The following SMURF1 variants were observed in gnomAD, a reference collection of about 807,000 sequenced individuals.
SMURF1 encodes E3 ubiquitin-protein ligase SMURF1.
SMURF1 carries 44 observed loss-of-function variants against 98.0 expected under a neutral mutation model. The observed-to-expected ratio is 0.45, with a 90% CI of 0.35 to 0.58. The LOEUF (loss-of-function observed/expected upper bound fraction) is 0.58, where lower values mean the gene tolerates loss of function less well. Ranked by LOEUF, SMURF1 falls within the 20% of genes least tolerant of loss-of-function variation. The probability of loss-of-function intolerance (pLI) is 0.00; values close to 1 mark genes in which losing one functional copy is unlikely to be tolerated. For missense variants in SMURF1, 687 were observed against 938.4 expected (o/e 0.73, Z 3.50); for synonymous variants, 396 against 374.9 (o/e 1.06, Z -0.65).
At position 99,033,108 on chromosome 7, in the gene SMURF1, C is replaced by T. The variant is rs569191641; in HGVS notation, c.2025G>A (p.Ala675=). The change falls in exon 17 of 18, where the codon GCG becomes GCA. Residue 675 remains alanine, a synonymous_variant. Coordinates refer to ENST00000361368, the MANE Select transcript of SMURF1 (RefSeq NM_181349.3). The stretch of plus-strand genomic sequence containing the variant: ...GGATGGTGAACAGCCGGGGCCCTGC[C>T]GCGCCTGTAGAACCTTACAAGACAA... The part of the protein sequence containing the change: ...GFKALQGSTG[A]AGPRLFTIHL... The T allele has an allele frequency of 3.9e-5, 62 of 1,581,292 alleles. 2 individuals carry two copies. In the African/African-American group the frequency reaches 6.3e-4, roughly 16 times the overall value.
At position 99,028,808 on chromosome 7, in the gene SMURF1, G is replaced by C. The variant is rs1421438587; in HGVS notation, c.*1776C>G. The stretch of plus-strand genomic sequence containing the variant: ...GCGGGTTAGGCTCGTGATAGAGAGT[G>C]GGCTGTCCGGGGGAGGTCTGTAGTT... On this transcript the variant is annotated 3_prime_UTR_variant, in exon 18 of 18. Transcript: ENST00000361368. 1.3e-5 allele frequency: 2 copies of C among 152,184 alleles called. No individual in the cohort carries two copies. The highest frequency in any genetic ancestry group is 2.9e-5 in the Non-Finnish European group (2 of 68,050). The allele number at this position is 152,184 out of a possible 1,614,324, so 9.4% of individuals were successfully genotyped here.
intron 1 of SMURF1, among the ~76,000 whole-genome samples, chr7:99,080,301 G>GTTTT (rs1796552247): frequency 6.6e-6 from 1 of 152,126 alleles, no homozygotes. Context: ...TTTTTGTTTT[G>GTTTT]TTTTGTTTTG....
At chr7:99,110,514 G>A (rs954898238) in intron 1 of SMURF1, among the ~76,000 whole-genome samples, 8 of 152,178 alleles carry the variant, frequency 5.3e-5, no homozygotes, top group African/African-American at 1.9e-4. Context: ...CCTCACTCAA[G>A]AGAGATGCAG....
At chr7:99,033,825 C>T (rs1168370438) in intron 16 of SMURF1, among the ~76,000 whole-genome samples, 1 of 152,204 alleles carries the variant, frequency 6.6e-6, no homozygotes, top group East Asian at 1.9e-4. Context: ...AACTCAGCCC[C>T]AAGTGAGCAC....
In SMURF1 at chr7:99,100,711, G is replaced by A. The variant is rs115697182; in HGVS notation, c.56-38874C>T. ...TTAAAACAACAGTTATCAACTCATA[G>A]TCATAGCTTATAAGTTAATACTGGA... On this transcript the variant is annotated intron_variant, in intron 1 of 17. Coordinates refer to ENST00000361368, the MANE Select transcript of SMURF1 (RefSeq NM_181349.3). 6.9e-3 allele frequency among the ~76,000 whole-genome samples: 1,057 copies of A among 152,286 alleles called. 16 individuals carry two copies. The highest frequency in any genetic ancestry group is 0.023 in the African/African-American group (972 of 41,548).
chr7:99,068,470 T>TA (rs1241813386), intron 1 of SMURF1, among the ~76,000 whole-genome samples: 1 of 152,080 alleles, frequency 6.6e-6, no homozygotes, highest in Non-Finnish European at 1.5e-5. Flanking sequence ...TTCCTATTTT[T>TA]AAAAAATCTC....
At position 99,108,095 on chromosome 7, in the gene SMURF1, T is replaced by C. The variant is rs566397836; in HGVS notation, c.55+35631A>G. Among the ~76,000 whole-genome samples, 3 of 152,258 alleles carry C rather than the reference T, an allele frequency of 2.0e-5. No homozygotes were observed. In the East Asian group the frequency reaches 5.8e-4, roughly 30 times the overall value. ...GCAAAAACCACGAACAGAACAAACC[T>C]CATCACACTGTAATGAAATTCACAA... On this transcript the variant is annotated intron_variant, in intron 1 of 17. Transcript: ENST00000361368.
chr7:99,033,189 C>T, intron 16 of SMURF1, 68 bp from the exon 17 acceptor site: 1 of 1,491,994 alleles, frequency 6.7e-7, no homozygotes, highest in Non-Finnish European at 9.1e-7. Context: ...GCCACACAGC[C>T]CCCAGGAGCA....
At chr7:99,045,623 G>T in intron 11 of SMURF1, 75 bp downstream of exon 11, 1 of 1,269,102 alleles carries the variant, frequency 7.9e-7, no homozygotes, top group Non-Finnish European at 1.1e-6. Flanking sequence ...GATGAGCACT[G>T]GAGAAGGGCA....
At chr7:99,081,887 A>C (rs1017221333) in intron 1 of SMURF1, among the ~76,000 whole-genome samples, 1 of 152,214 alleles carries the variant, frequency 6.6e-6, no homozygotes, top group Non-Finnish European at 1.5e-5. Context: ...TCCTAACCTC[A>C]GGTGATCCAC....
At position 99,029,292 on chromosome 7, in the gene SMURF1, C is replaced by T. The variant is rs1253736031; in HGVS notation, c.*1292G>A. 1 of 152,610 alleles carries T rather than the reference C, an allele frequency of 6.6e-6. No homozygotes were observed. Among genetic ancestry groups the T allele is most frequent in the Non-Finnish European group, 1.5e-5 (1 of 68,056 alleles). The allele number at this position is 152,610 out of a possible 1,614,324, so 9.5% of individuals were successfully genotyped here. A position where few individuals can be genotyped will look rare whatever the true frequency, so the allele number is the denominator to read the frequency against. ...GGAACATTGGCCTGCTGTTTTCTGC[C>T]CAAGTTCAGCTATTGGAAATCAAGC... On this transcript the variant is annotated 3_prime_UTR_variant, in exon 18 of 18. Coordinates refer to ENST00000361368, the MANE Select transcript of SMURF1 (RefSeq NM_181349.3).
rs879202027 is a variant in SMURF1 at position 99,040,289 on chromosome 7, ACACACGCGCGCGCG to A, written c.1550+75_1550+88del. On this transcript the variant is annotated intron_variant, in intron 13 of 17. Coordinates refer to ENST00000361368, the MANE Select transcript of SMURF1 (RefSeq NM_181349.3). The stretch of plus-strand genomic sequence containing the variant: ...CTTCACACACATCCCCAAAATACAC[ACACACGCGCGCGCG>A]CGCGCACGCGCATACATACGATAGA... 7.9e-4 allele frequency: 991 copies of A among 1,260,844 alleles called. 13 individuals are homozygous for A. The South Asian group carries it at 0.02, about 26-fold the overall frequency. 78.1% of individuals were successfully genotyped at this position (1,260,844 alleles called of 1,614,324 possible).
At chr7:99,106,788 C>T (rs1797203986) in intron 1 of SMURF1, among the ~76,000 whole-genome samples, 1 of 152,148 alleles carries the variant, frequency 6.6e-6, no homozygotes, top group Non-Finnish European at 1.5e-5. Flanking sequence ...TCTCCGACCT[C>T]TTTTTTTCCC....
intron 1 of SMURF1, among the ~76,000 whole-genome samples, chr7:99,079,544 C>T (rs978436549): frequency 6.6e-6 from 1 of 152,204 alleles, no homozygotes; most frequent in South Asian, 2.1e-4. Flanking sequence ...ACTACATACT[C>T]GTTTCAAACA....
chr7:99,074,558 G>A (rs544441821), intron 1 of SMURF1, among the ~76,000 whole-genome samples: 9 of 151,652 alleles, frequency 5.9e-5, no homozygotes, highest in East Asian at 3.9e-4. Context: ...GGCCTCAAAC[G>A]GAGCAGAAAC....
At chr7:99,132,699 G>GACGGAC (rs1554451189) in intron 1 of SMURF1, among the ~76,000 whole-genome samples, 24 of 147,400 alleles carry the variant, frequency 1.6e-4, no homozygotes, top group African/African-American at 5.8e-4. Flanking sequence ...CAGACACACG[G>GACGGAC]ACACACACAC....
chr7:99,096,214 A>G (rs1796952978), intron 1 of SMURF1, among the ~76,000 whole-genome samples: 1 of 152,214 alleles, frequency 6.6e-6, no homozygotes, highest in South Asian at 2.1e-4. Flanking sequence ...GCCACCTGGT[A>G]AAATACAGAC....
intron 8 of SMURF1, chr7:99,050,764 T>A: frequency 1.6e-6 from 1 of 613,994 alleles, no homozygotes; most frequent in Non-Finnish European, 2.8e-6. Flanking sequence ...GACAGGAAGT[T>A]TATTCTCAGA....
intron 1 of SMURF1, among the ~76,000 whole-genome samples, chr7:99,087,212 A>G (rs1796701912): frequency 6.6e-6 from 1 of 151,942 alleles, no homozygotes; most frequent in South Asian, 2.1e-4. Flanking sequence ...TCTACAAAAA[A>G]AAAAAATTTT....
Sources: allele counts gnomAD v4.1 joint callset (sites outside exome capture counted in the v4.1 genomes callset), GRCh38; gene constraint gnomAD v4.1.1; transcripts MANE v1.5; gene names NCBI Gene and HGNC (gene_info 2026-07-23, HGNC 2026-07-21).